The following PCGF3 variants were observed in gnomAD, a reference collection of about 807,000 sequenced individuals.
PCGF3 encodes polycomb group ring finger 3.
Under a neutral mutation model 33.1 loss-of-function variants are expected in PCGF3, and 7 were observed. The observed-to-expected ratio is 0.21, with a 90% CI of 0.12 to 0.40. The LOEUF (loss-of-function observed/expected upper bound fraction) is 0.40. Ranked by LOEUF, PCGF3 falls within the 10% of genes least tolerant of loss-of-function variation. The pLI is 1.00. For synonymous variants in PCGF3, 153 were observed against 121.3 expected (o/e 1.26, Z -1.72); for missense variants, 211 against 313.3 (o/e 0.67, Z 2.46).
At chr4:718,468 A>G (rs1324405329) in intron 1 of PCGF3, among the ~76,000 whole-genome samples, 1 of 152,160 alleles carries the variant, frequency 6.6e-6, no homozygotes, top group East Asian at 1.9e-4. Flanking sequence ...ATGAACGCAA[A>G]TATTTGTATA....
chr4:762,041 C>G (rs1745090154), intron 9 of PCGF3: 1 of 985,238 alleles, frequency 1.0e-6, no homozygotes, highest in African/African-American at 1.7e-5. Context: ...GAGAGGCGGA[C>G]TGTGGTGGGG....
intron 3 of PCGF3, among the ~76,000 whole-genome samples, chr4:732,768 TC>T (rs901540919): frequency 8.5e-5 from 13 of 152,240 alleles, no homozygotes; most frequent in Middle Eastern, 6.8e-3. Context: ...TGCCTGCTGC[TC>T]CCCTGGTGAA....
intron 4 of PCGF3, chr4:734,139 T>G: frequency 6.4e-7 from 1 of 1,550,580 alleles, no homozygotes; most frequent in Non-Finnish European, 8.7e-7. Context: ...AGGGGAACCT[T>G]CCAGTGTGTT....
At chr4:753,593 A>C (rs542418766) in intron 8 of PCGF3, among the ~76,000 whole-genome samples, 1 of 150,934 alleles carries the variant, frequency 6.6e-6, no homozygotes, top group African/African-American at 2.4e-5. Flanking sequence ...CAGTGAGCCG[A>C]GATCACGCCA....
chr4:719,405 C>A (rs1033849183), intron 1 of PCGF3, among the ~76,000 whole-genome samples: 4 of 152,246 alleles, frequency 2.6e-5, no homozygotes, highest in Non-Finnish European at 4.4e-5. Flanking sequence ...TTGATGAGAA[C>A]CCTCGGTGCC....
intron 1 of PCGF3, among the ~76,000 whole-genome samples, chr4:729,048 C>T (rs553996139): frequency 1.4e-5 from 2 of 140,334 alleles, no homozygotes; most frequent in Admixed American, 8.0e-5. Flanking sequence ...TACAGTGAGC[C>T]GAGATTGCAC....
At chr4:711,443 C>CT (rs201359627) in intron 1 of PCGF3, among the ~76,000 whole-genome samples, 3,554 of 122,380 alleles carry the variant, frequency 0.029, 203 homozygotes, top group South Asian at 0.075. Flanking sequence ...TGTAATTTTT[C>CT]TTTTTTTTTT....
intron 1 of PCGF3, among the ~76,000 whole-genome samples, chr4:718,371 G>C (rs1742944221): frequency 6.6e-6 from 1 of 152,148 alleles, no homozygotes; most frequent in Admixed American, 6.5e-5. Context: ...GGCCTGGGTT[G>C]AGGGGGATGT....
chr4:753,620 G>A (rs1371270720), intron 8 of PCGF3, among the ~76,000 whole-genome samples: 1 of 150,534 alleles, frequency 6.6e-6, no homozygotes. Context: ...TCCAGCCTGG[G>A]CGACAGAGCG....
At chr4:735,540 G>A (rs1157642298) in intron 5 of PCGF3, among the ~76,000 whole-genome samples, 1 of 150,362 alleles carries the variant, frequency 6.7e-6, no homozygotes, top group Non-Finnish European at 1.5e-5. Flanking sequence ...GCGAGACTCT[G>A]TCTCAAAGAG....
chr4:740,898 C>T (rs527615185), intron 6 of PCGF3, among the ~76,000 whole-genome samples: 158 of 152,302 alleles, frequency 1.0e-3, no homozygotes, highest in Admixed American at 2.8e-3. Flanking sequence ...GGGCAGCCCT[C>T]TGCACCGTGG....
chr4:740,619 G>A (rs972363070), intron 6 of PCGF3, among the ~76,000 whole-genome samples: 1 of 152,212 alleles, frequency 6.6e-6, no homozygotes, highest in Non-Finnish European at 1.5e-5. Flanking sequence ...GCCGGACACA[G>A]TGTCTCATGC....
intron 8 of PCGF3, among the ~76,000 whole-genome samples, chr4:755,277 A>T (rs979190677): frequency 6.6e-6 from 1 of 151,474 alleles, no homozygotes; most frequent in African/African-American, 2.4e-5. Context: ...CCCCCTGGGC[A>T]GGTGTGTTCC....
exon 11 of PCGF3, chr4:768,632 T>C (rs145541727): frequency 6.6e-6 from 1 of 152,460 alleles, no homozygotes; most frequent in African/African-American, 2.4e-5. Context: ...TTCATGGACA[T>C]AGAAAATTCA....
chr4:739,119 A>G (rs1351309538), intron 6 of PCGF3, among the ~76,000 whole-genome samples: 1 of 152,218 alleles, frequency 6.6e-6, no homozygotes, highest in Non-Finnish European at 1.5e-5. Context: ...GTTTAGGAAA[A>G]TAGTAGAGAT....
chr4:733,845 C>G (rs1312639034), intron 4 of PCGF3, 56 bp downstream of exon 4: 1 of 1,612,964 alleles, frequency 6.2e-7, no homozygotes, highest in Non-Finnish European at 8.5e-7. Flanking sequence ...GCTCTGTGCT[C>G]TTCAGAACCT....
At chr4:737,384 T>C in intron 5 of PCGF3, 82 bp from the exon 6 acceptor site, 1 of 935,546 alleles carries the variant, frequency 1.1e-6, no homozygotes, top group Non-Finnish European at 1.7e-6. Flanking sequence ...GATTCTGAAC[T>C]TTGATATTGT....
At chr4:715,035 C>T (rs1380308320) in intron 1 of PCGF3, among the ~76,000 whole-genome samples, 145 of 122,524 alleles carry the variant, frequency 1.2e-3, no homozygotes, top group South Asian at 2.6e-3. Context: ...GAGAACTGGG[C>T]GTCGGTGCTG....
chr4:763,323 G>T (rs569292483), intron 9 of PCGF3, among the ~76,000 whole-genome samples: 2 of 152,222 alleles, frequency 1.3e-5, no homozygotes, highest in Admixed American at 6.5e-5. Flanking sequence ...GCTGCAGGGG[G>T]TGGGGAAGAG....
Sources: allele counts gnomAD v4.1 joint callset (sites outside exome capture counted in the v4.1 genomes callset), GRCh38; gene constraint gnomAD v4.1.1; transcripts MANE v1.5; gene names NCBI Gene and HGNC (gene_info 2026-07-23, HGNC 2026-07-21).